The following PDE4C variants were observed in gnomAD, a reference collection of about 807,000 sequenced individuals.
PDE4C encodes phosphodiesterase 4C, also known as 3',5'-cyclic-AMP phosphodiesterase 4C.
Under a neutral mutation model 63.9 loss-of-function variants are expected in PDE4C, and 50 were observed. The observed-to-expected ratio is 0.78, with a 90% CI of 0.62 to 0.99. PDE4C has a LOEUF of 0.99. Among genes scored for constraint, PDE4C ranks in the 50% least tolerant of loss-of-function variants. The pLI, the probability that PDE4C is intolerant of heterozygous loss-of-function variation, is 0.00. For missense variants in PDE4C, 777 were observed against 899.1 expected (o/e 0.86, Z 1.74); for synonymous variants, 377 against 385.1 (o/e 0.98, Z 0.25).
chr19:18,243,523 G>C (rs1411496780), intron 1 of PDE4C, among the ~76,000 whole-genome samples: 1 of 152,188 alleles, frequency 6.6e-6, no homozygotes, highest in East Asian at 1.9e-4. Context: ...GAAGCACCAG[G>C]CTTTGGGTGG....
chr19:18,232,924 A>C, intron 1 of PDE4C: 2 of 1,410,978 alleles, frequency 1.4e-6, no homozygotes, highest in Non-Finnish European at 1.8e-6. Context: ...CCCGCGCTGC[A>C]GGAGGCCCCT....
chr19:18,219,003 C>G, exon 9 of PDE4C: 2 of 1,613,538 alleles, frequency 1.2e-6, no homozygotes, highest in Non-Finnish European at 1.7e-6. Flanking sequence ...CCACCTTGAA[C>G]ACATCAAGTC....
At position 18,220,074 on chromosome 19, in the gene PDE4C, G is replaced by A. The variant is rs914049144; in HGVS notation, c.706+152C>T. 1.5e-6 allele frequency: 1 copy of A among 682,796 alleles called. No individual in the cohort carries two copies. The highest frequency in any genetic ancestry group is 1.8e-5 in the African/African-American group (1 of 56,050). 42.3% of individuals were successfully genotyped at this position (682,796 alleles called of 1,614,324 possible). On this transcript the variant is annotated intron_variant, in intron 7 of 14. Coordinates refer to ENST00000262805, the Ensembl canonical transcript of PDE4C. This position sits in a 1 kb window ranked among gnomAD's most constrained non-coding sequence, Gnocchi z 5.1. ...TCCCCTGCTCCTGGAAGTTCCCCTT[G>A]TTCCTCCCTCTGATCCAGCCCTGAC... is the stretch of plus-strand genomic sequence containing the variant.
upstream of PDE4C, among the ~76,000 whole-genome samples, chr19:18,235,595 C>G (rs1164689218): frequency 1.3e-5 from 2 of 152,196 alleles, no homozygotes; most frequent in Non-Finnish European, 2.9e-5. Context: ...CCTTCCTAGT[C>G]TCCTTGGTCT....
At chr19:18,233,328 C>A in exon 1 of PDE4C, 1 of 1,238,452 alleles carries the variant, frequency 8.1e-7, no homozygotes. Context: ...GCCGGAGGTG[C>A]TGAAGCGGTA....
At chr19:18,239,056 A>G (rs538295434) in intron 1 of PDE4C, among the ~76,000 whole-genome samples, 14 of 152,208 alleles carry the variant, frequency 9.2e-5, no homozygotes, top group Non-Finnish European at 1.8e-4. Flanking sequence ...TAACGATAGT[A>G]CTAATGGCTA....
upstream of PDE4C, chr19:18,252,563 G>C (rs1394171021): frequency 5.0e-6 from 2 of 397,976 alleles, no homozygotes; most frequent in Non-Finnish European, 8.8e-6. Flanking sequence ...CCAGGAATTA[G>C]AGACCAGCCT....
At chr19:18,233,491 A>C in exon 1 of PDE4C, 1 of 646,298 alleles carries the variant, frequency 1.5e-6, no homozygotes. Context: ...AGCCCCGAAA[A>C]CCGTCTGCCG....
chr19:18,238,108 C>A (rs1462695356), upstream of PDE4C, among the ~76,000 whole-genome samples: 1 of 151,976 alleles, frequency 6.6e-6, no homozygotes, highest in East Asian at 1.9e-4. Context: ...GCCTGTAACC[C>A]CAGCTACTCA....
intron 4 of PDE4C, 56 bp downstream of exon 4, chr19:18,221,049 T>TCCGCCAGGTCCCGCCCCACC: frequency 6.5e-6 from 8 of 1,239,964 alleles, no homozygotes; most frequent in African/African-American, 1.5e-5. Flanking sequence ...CAGCCCGCTT[T>TCCGCCAGGTCCCGCCCCACC]CCGCCCACCT....
exon 1 of PDE4C, chr19:18,226,437 G>A (rs1968729585): frequency 7.3e-7 from 1 of 1,376,698 alleles, no homozygotes; most frequent in East Asian, 3.1e-5. Flanking sequence ...CGTGGAGGCT[G>A]GACCGAGCGC....
At chr19:18,233,105 C>T in exon 1 of PDE4C, 1 of 1,568,240 alleles carries the variant, frequency 6.4e-7, no homozygotes, top group Non-Finnish European at 8.6e-7. Flanking sequence ...ACAGGTGCTT[C>T]GGGGCTCTGG....
upstream of PDE4C, chr19:18,252,554 C>T (rs748724509): frequency 2.5e-6 from 1 of 398,156 alleles, no homozygotes; most frequent in Non-Finnish European, 4.4e-6. Flanking sequence ...CACTTGAACC[C>T]AGGAATTAGA....
upstream of PDE4C, among the ~76,000 whole-genome samples, chr19:18,251,128 C>CT (rs71164389): frequency 6.7e-6 from 1 of 149,060 alleles, no homozygotes; most frequent in Non-Finnish European, 1.5e-5. Context: ...GAGATAGAGT[C>CT]TTTTTTTTCC....
chr19:18,233,429 T>G lies in PDE4C; in HGVS notation c.-238A>C, dbSNP rs1364091485. 5.7e-6 allele frequency: 4 copies of G among 698,238 alleles called. No homozygotes were observed. In the Admixed American group the frequency reaches 6.1e-5, roughly 11 times the overall value. The allele number at this position is 698,238 out of a possible 1,614,324, so 43.3% of individuals were successfully genotyped here. On this transcript the variant is annotated 5_prime_UTR_variant, in exon 1 of 15. Coordinates refer to the PDE4C transcript ENST00000594465. ...AAGGGTAGAACAGGGGAGAAGAACG[T>G]GGTGAGGGGGTGTTGAAGCTAGGGG...
At chr19:18,233,114 G>T (rs1212063895) in exon 1 of PDE4C, 3 of 1,566,030 alleles carry the variant, frequency 1.9e-6, no homozygotes, top group Non-Finnish European at 2.6e-6. Context: ...TCGGGGCTCT[G>T]GTCATGCTGT....
chr19:18,209,875 G>C (rs1017796258), downstream of PDE4C: 1 of 151,432 alleles, frequency 6.6e-6, no homozygotes, highest in Non-Finnish European at 1.5e-5. Context: ...TGTATTTTTA[G>C]TAGAGATGGG....
chr19:18,226,409 C>T, exon 1 of PDE4C: 2 of 1,436,774 alleles, frequency 1.4e-6, no homozygotes, highest in South Asian at 2.9e-5. Context: ...GCGGGGGGGC[C>T]CTGCATCGCC....
At chr19:18,211,059 T>C (rs1454935702) in exon 15 of PDE4C, 1 of 1,614,210 alleles carries the variant, frequency 6.2e-7, no homozygotes, top group Non-Finnish European at 8.5e-7. Flanking sequence ...TTCTTCCTCC[T>C]CATCCTCTTC....
Sources: allele counts gnomAD v4.1 joint callset (sites outside exome capture counted in the v4.1 genomes callset), GRCh38; gene constraint gnomAD v4.1.1; non-coding constraint Gnocchi (gnomAD v3.1); transcripts MANE v1.5; gene names NCBI Gene and HGNC (gene_info 2026-07-23, HGNC 2026-07-21).